The following SP140L variants were observed in gnomAD, a reference collection of about 807,000 sequenced individuals.
SP140L encodes the protein nuclear body protein SP140-like protein.
Under a neutral mutation model 84.3 loss-of-function variants are expected in SP140L, and 64 were observed. The observed-to-expected ratio is 0.76, with a 90% CI of 0.62 to 0.94. The LOEUF (loss-of-function observed/expected upper bound fraction) is 0.94, where lower values mean the gene tolerates loss of function less well. Among genes scored for constraint, SP140L ranks in the 40% least tolerant of loss-of-function variants. SP140L has a pLI of 0.00. For missense variants in SP140L, 628 were observed against 692.5 expected, an observed-to-expected ratio of 0.91 and a Z score of 1.05; for synonymous variants, 242 against 236.9, an observed-to-expected ratio of 1.02 and a Z score of -0.20.
intron 13 of SP140L, among the ~76,000 whole-genome samples, chr2:230,396,214 G>A (rs6436933): frequency 0.27 from 40,492 of 152,128 alleles, 5,772 homozygotes; most frequent in Non-Finnish European, 0.31. Context: ...GCAGGGAATG[G>A]GACTTGCATT....
chr2:230,392,502 A>C (rs1275180245), intron 12 of SP140L, among the ~76,000 whole-genome samples: 2 of 152,206 alleles, frequency 1.3e-5, no homozygotes, highest in Non-Finnish European at 2.9e-5. Flanking sequence ...AATTTTGTGC[A>C]CTGAGAAAAA....
chr2:230,379,755 G>A (rs1424640910), intron 7 of SP140L, among the ~76,000 whole-genome samples: 1 of 152,068 alleles, frequency 6.6e-6, no homozygotes, highest in Admixed American at 6.6e-5. Context: ...TTTATTCTCA[G>A]TATAGTAAAG....
chr2:230,340,347 G>A lies in SP140L; in HGVS notation c.107+11516G>A, dbSNP rs1029844136. Among the ~76,000 whole-genome samples, 45 of 148,064 alleles carry A rather than the reference G, an allele frequency of 3.0e-4. 1 individual carries two copies. Among genetic ancestry groups the A allele is most frequent in the Non-Finnish European group, 6.0e-4 (40 of 66,838 alleles). On this transcript the variant is annotated intron_variant, in intron 2 of 18. Transcript: ENST00000415673. ...TTTTTTGTTTTCCATTGGCTTGGTA[G>A]ATCTTCCTCCATCCTTTTATTTTGA...
intron 2 of SP140L, among the ~76,000 whole-genome samples, chr2:230,345,124 C>G (rs1244768217): frequency 5.3e-5 from 8 of 152,148 alleles, no homozygotes; most frequent in African/African-American, 1.9e-4. Flanking sequence ...TATTGTATTG[C>G]TGTTTCTTCC....
intron 5 of SP140L, among the ~76,000 whole-genome samples, chr2:230,363,140 T>C (rs1021192541): frequency 6.6e-6 from 1 of 152,234 alleles, no homozygotes; most frequent in Non-Finnish European, 1.5e-5. Context: ...CCATCATAAC[T>C]GTAGGAGCAT....
At chr2:230,346,346 T>C (rs1242936457) in intron 2 of SP140L, among the ~76,000 whole-genome samples, 1 of 152,160 alleles carries the variant, frequency 6.6e-6, no homozygotes, top group Non-Finnish European at 1.5e-5. Flanking sequence ...TTAATTATAA[T>C]ACTTATTGGT....
chr2:230,328,226 A>C (rs2059633292), intron 1 of SP140L, among the ~76,000 whole-genome samples: 1 of 152,220 alleles, frequency 6.6e-6, no homozygotes, highest in Admixed American at 6.5e-5. Context: ...TAAAATTTCA[A>C]ACAGTGGAGA....
chr2:230,368,059 T>G (rs1286192731), intron 5 of SP140L, among the ~76,000 whole-genome samples: 1 of 152,268 alleles, frequency 6.6e-6, no homozygotes, highest in Admixed American at 6.5e-5. Context: ...TGGACTTATT[T>G]TAACCGTGAA....
chr2:230,383,516 AG>A lies in SP140L; in HGVS notation c.645del (p.Lys216ArgfsTer37), dbSNP rs1559448822. On this transcript the variant is annotated frameshift_variant, in exon 8 of 19. Coordinates refer to ENST00000415673, the MANE Select transcript of SP140L (RefSeq NM_138402.6). LOFTEE classifies it high-confidence loss of function. ...LGKPKRKRRK[K>X]KGHGWSRMGT... Reference sequence around the variant, plus strand: ...TATTCTCTTTGGTTTGAAGGAAAAAAGAAGGGGCATGGCTGGAGCAGAATGG... The same window carrying A: ...TATTCTCTTTGGTTTGAAGGAAAAAAAAGGGGCATGGCTGGAGCAGAATGG... 1.2e-6 allele frequency: 2 copies of A among 1,603,772 alleles called. No homozygotes were observed. Among genetic ancestry groups the A allele is most frequent in the Non-Finnish European group, 1.7e-6 (2 of 1,175,056 alleles).
At chr2:230,395,515 G>A (rs2062010496) in intron 13 of SP140L, among the ~76,000 whole-genome samples, 2 of 152,180 alleles carry the variant, frequency 1.3e-5, no homozygotes, top group Non-Finnish European at 2.9e-5. Context: ...GGGAGGTCGA[G>A]GCTATAGTGA....
intron 8 of SP140L, 77 bp from the exon 9 acceptor site, chr2:230,385,147 T>G: frequency 6.9e-7 from 1 of 1,447,366 alleles, no homozygotes; most frequent in Non-Finnish European, 9.6e-7. Context: ...CAGGACTCCC[T>G]CACTTGCGTT....
intron 11 of SP140L, 87 bp downstream of exon 11, chr2:230,390,110 A>G: frequency 8.1e-7 from 1 of 1,235,202 alleles, no homozygotes; most frequent in Non-Finnish European, 1.2e-6. Context: ...ATTACACATC[A>G]TTCAAGGAGT....
At chr2:230,363,655 A>G (rs1399790766) in intron 5 of SP140L, among the ~76,000 whole-genome samples, 1 of 151,860 alleles carries the variant, frequency 6.6e-6, no homozygotes, top group Non-Finnish European at 1.5e-5. Context: ...TTCCTTGCCC[A>G]TGCAGAAACT....
intron 7 of SP140L, among the ~76,000 whole-genome samples, chr2:230,375,299 A>G (rs868199724): frequency 5.1e-4 from 78 of 152,104 alleles, no homozygotes; most frequent in African/African-American, 1.7e-3. Context: ...TTATCCATTC[A>G]TCTGTTGATG....
At chr2:230,389,732 G>A (rs1013748117) in intron 10 of SP140L, among the ~76,000 whole-genome samples, 187 bp from the exon 11 acceptor site, 3 of 152,190 alleles carry the variant, frequency 2.0e-5, no homozygotes, top group African/African-American at 4.8e-5. Context: ...TTTGAAAGGT[G>A]AAATTGGGGC....
intron 12 of SP140L, among the ~76,000 whole-genome samples, chr2:230,393,209 G>C (rs572404220): frequency 2.6e-5 from 4 of 152,312 alleles, no homozygotes; most frequent in African/African-American, 9.6e-5. Context: ...AAGGGAAAAT[G>C]GTCCTGAAAA....
intron 13 of SP140L, 127 bp from the exon 14 acceptor site, chr2:230,396,630 T>G: frequency 8.8e-7 from 1 of 1,133,462 alleles, no homozygotes; most frequent in South Asian, 1.6e-5. Context: ...GGCCTTCATC[T>G]CCTCCCAATT....
chr2:230,389,590 G>A (rs949507153), intron 10 of SP140L, among the ~76,000 whole-genome samples: 21 of 152,242 alleles, frequency 1.4e-4, no homozygotes, highest in Non-Finnish European at 1.8e-4. Context: ...GCTGGAGAGC[G>A]CCCATCAAAC....
rs543806376 is a variant in SP140L at position 230,356,456 on chromosome 2, A to G, written c.108-1349A>G. Among the ~76,000 whole-genome samples, 36 of 152,328 alleles carry G rather than the reference A, an allele frequency of 2.4e-4. No homozygotes were observed. The South Asian group carries it at 7.5e-3, about 32-fold the overall frequency. ...ACTGTTCAACACAGCAACATAGATG[A>G]TAAGCAAAAGAAGCCAGACACAAAA... is the stretch of plus-strand genomic sequence containing the variant. On this transcript the variant is annotated intron_variant, in intron 2 of 18. Coordinates refer to ENST00000415673, the MANE Select transcript of SP140L (RefSeq NM_138402.6).
Sources: gnomAD v4.1 joint callset for allele counts (sites outside exome capture counted in the v4.1 genomes callset) on GRCh38, gnomAD v4.1.1 for gene constraint, MANE v1.5 for transcripts, NCBI Gene and HGNC (gene_info 2026-07-23, HGNC 2026-07-21) for gene names.